The following VPS53 variants were observed in gnomAD, a reference collection of about 807,000 sequenced individuals.
VPS53 encodes VPS53 subunit of GARP complex, also known as vacuolar protein sorting-associated protein 53 homolog.
Under a neutral mutation model 107.0 loss-of-function variants are expected in VPS53, and 70 were observed. That is an observed-to-expected ratio of 0.65 (90% CI 0.54 to 0.80). The LOEUF (loss-of-function observed/expected upper bound fraction) is 0.80, where lower values mean the gene tolerates loss of function less well. Ranked by LOEUF, VPS53 falls within the 30% of genes least tolerant of loss-of-function variation. The pLI, the probability that VPS53 is intolerant of heterozygous loss-of-function variation, is 0.00. For synonymous variants in VPS53, 409 were observed against 393.3 expected (o/e 1.04, Z -0.47); for missense variants, 917 against 1,049.4 (o/e 0.87, Z 1.74).
Position 645,792 on chromosome 17 carries a change from T to TAC in VPS53, c.608+7498_608+7499insGT, listed in dbSNP as rs1970665549. ...GCTCCCACACACATCTCCGTGACCG[T>TAC]GTGGCCACTGCCTCCTAAGGGTCTT... is the stretch of plus-strand genomic sequence containing the variant. On this transcript the variant is annotated intron_variant, in intron 7 of 21. Coordinates refer to ENST00000437048, the MANE Select transcript of VPS53 (RefSeq NM_001128159.3). Among the ~76,000 whole-genome samples, 4 of 144,448 alleles carry TAC rather than the reference T, an allele frequency of 2.8e-5. No homozygotes were observed. In the Admixed American group the frequency reaches 2.8e-4, roughly 10 times the overall value. The allele number at this position is 144,448 out of a possible 152,430, so 94.8% of individuals were successfully genotyped here. A position where few individuals can be genotyped will look rare whatever the true frequency, so the allele number is the denominator to read the frequency against.
intron 7 of VPS53, among the ~76,000 whole-genome samples, chr17:645,849 C>T (rs879596541): frequency 0.043 from 4,744 of 109,694 alleles, 233 homozygotes; most frequent in Admixed American, 0.072. Flanking sequence ...GGACTGGAGA[C>T]TGGCTCTTAC....
chr17:655,052 T>C (rs965269787), intron 6 of VPS53, among the ~76,000 whole-genome samples: 3 of 152,076 alleles, frequency 2.0e-5, no homozygotes, highest in African/African-American at 4.8e-5. Flanking sequence ...ACTCTCCCAC[T>C]TCCCCCACCC....
At chr17:540,951 G>A (rs780144679) in intron 17 of VPS53, among the ~76,000 whole-genome samples, 6 of 152,180 alleles carry the variant, frequency 3.9e-5, no homozygotes, top group South Asian at 2.1e-4. Context: ...AGAGAACAGC[G>A]CTCCACAACT....
chr17:713,678 A>G (rs1973726696), intron 1 of VPS53, among the ~76,000 whole-genome samples: 1 of 151,860 alleles, frequency 6.6e-6, no homozygotes, highest in Non-Finnish European at 1.5e-5. Context: ...GAAAAAAAGA[A>G]AAGAAAAAAA....
At chr17:657,732 G>A (rs1971249912) in intron 5 of VPS53, among the ~76,000 whole-genome samples, 1 of 151,984 alleles carries the variant, frequency 6.6e-6, no homozygotes, top group Admixed American at 6.5e-5. Flanking sequence ...TTGGCCATGA[G>A]TTCATGGATA....
intron 19 of VPS53, among the ~76,000 whole-genome samples, chr17:525,892 G>A (rs1424137461): frequency 5.9e-5 from 9 of 151,454 alleles, no homozygotes; most frequent in Middle Eastern, 3.4e-3. Flanking sequence ...AGCTACTCGG[G>A]AGGCTGAGGC....
chr17:582,253 TC>T (rs1967065662), intron 13 of VPS53, among the ~76,000 whole-genome samples: 1 of 136,718 alleles, frequency 7.3e-6, no homozygotes, highest in Non-Finnish European at 1.6e-5. Context: ...CCTCAGAACC[TC>T]AGTGCATTCT....
intron 3 of VPS53, among the ~76,000 whole-genome samples, chr17:697,935 C>G (rs1973044634): frequency 6.6e-6 from 1 of 152,166 alleles, no homozygotes; most frequent in South Asian, 2.1e-4. Context: ...CAATCCATGC[C>G]TGAGGCAGAT....
intron 2 of VPS53, among the ~76,000 whole-genome samples, chr17:700,351 A>G (rs1299508469): frequency 1.3e-5 from 2 of 151,856 alleles, no homozygotes; most frequent in Non-Finnish European, 1.5e-5. Context: ...GAGACCAGCC[A>G]GACCGTCATG....
At chr17:547,751 C>T (rs1911349510) in intron 17 of VPS53, among the ~76,000 whole-genome samples, 1 of 152,192 alleles carries the variant, frequency 6.6e-6, no homozygotes, top group Non-Finnish European at 1.5e-5. Flanking sequence ...GATTCTCCTA[C>T]CTCAGCCTCC....
chr17:695,958 G>A (rs1972946006), intron 4 of VPS53, among the ~76,000 whole-genome samples: 1 of 152,218 alleles, frequency 6.6e-6, no homozygotes, highest in African/African-American at 2.4e-5. Context: ...TGGAGTGCTT[G>A]AGGCTGCCCT....
chr17:552,132 C>T (rs1323955147), intron 16 of VPS53, among the ~76,000 whole-genome samples, 182 bp from the exon 17 acceptor site: 1 of 152,114 alleles, frequency 6.6e-6, no homozygotes, highest in East Asian at 1.9e-4. Context: ...CTGGGTGTGT[C>T]CTCACCCAGT....
chr17:560,348 A>G, intron 15 of VPS53, 78 bp downstream of exon 15: 1 of 1,519,486 alleles, frequency 6.6e-7, no homozygotes, highest in Non-Finnish European at 8.9e-7. Context: ...GTTAGGACGT[A>G]TATTCTTACT....
chr17:627,788 A>ACG (rs1441794284), intron 9 of VPS53, among the ~76,000 whole-genome samples: 1 of 152,098 alleles, frequency 6.6e-6, no homozygotes, highest in Non-Finnish European at 1.5e-5. Context: ...ACACACACAC[A>ACG]CACACACACA....
At position 515,955 on chromosome 17, in the gene VPS53, G is replaced by GTTT. The variant is rs1567591418; in HGVS notation, c.*3172_*3173insAAA. On this transcript the variant is annotated 3_prime_UTR_variant, in exon 22 of 22. Transcript: ENST00000437048. ...GATTACAGGCACCCGCCACCTGCCT[G>GTTT]CTTTTTTTTTTTTTTTTTTTGTATT... is the stretch of plus-strand genomic sequence containing the variant. 9 of 99,320 alleles carry GTTT rather than the reference G, an allele frequency of 9.1e-5. No individual in the cohort carries two copies. Among genetic ancestry groups the GTTT allele is most frequent in the Admixed American group, 6.7e-4 (6 of 8,912 alleles). 6.2% of individuals were successfully genotyped at this position (99,320 alleles called of 1,614,324 possible).
intron 13 of VPS53, among the ~76,000 whole-genome samples, chr17:572,002 C>T (rs1391537343): frequency 7.9e-5 from 12 of 152,114 alleles, no homozygotes; most frequent in Non-Finnish European, 1.8e-4. Context: ...GCCTGGCCGC[C>T]CATCGTCTGG....
intron 4 of VPS53, among the ~76,000 whole-genome samples, chr17:676,980 T>C (rs1427184187): frequency 6.6e-6 from 1 of 152,130 alleles, no homozygotes. Flanking sequence ...TTAATGCACC[T>C]GAGTCTATGG....
chr17:620,659 G>A (rs1376764777), intron 11 of VPS53, among the ~76,000 whole-genome samples: 1 of 150,806 alleles, frequency 6.6e-6, no homozygotes, highest in African/African-American at 2.4e-5. Context: ...AGCTATGGGT[G>A]TTTCAGATTC....
At position 657,609 on chromosome 17, in the gene VPS53, A is replaced by G. The variant is rs2143549949; in HGVS notation, c.373-1656T>C. ...CCGGTGCACATAGCGAAAGTTTCTT[A>G]ATAGCAATTTGGTTGCCCAGGTTCT... is the stretch of plus-strand genomic sequence containing the variant. On this transcript the variant is annotated intron_variant, in intron 5 of 21. Coordinates refer to ENST00000437048, the MANE Select transcript of VPS53 (RefSeq NM_001128159.3). 3 of 704,942 alleles carry G rather than the reference A, an allele frequency of 4.3e-6. No homozygotes were observed. In the East Asian group the frequency reaches 7.9e-5, roughly 19 times the overall value. The allele number at this position is 704,942 out of a possible 1,614,324, so 43.7% of individuals were successfully genotyped here.
Sources: gnomAD v4.1 joint callset for allele counts (sites outside exome capture counted in the v4.1 genomes callset) on GRCh38, gnomAD v4.1.1 for gene constraint, MANE v1.5 for transcripts, NCBI Gene and HGNC (gene_info 2026-07-23, HGNC 2026-07-21) for gene names.